Variants in PCSK5 observed in about 807,000 individuals in gnomAD.
The protein encoded by PCSK5 is proprotein convertase subtilisin/kexin type 5.
In PCSK5, 129 loss-of-function variants were observed where a neutral mutation model predicts 233.2. That is an observed-to-expected ratio of 0.55 (90% CI 0.48 to 0.64). The LOEUF (loss-of-function observed/expected upper bound fraction) is 0.64. PCSK5 is among the 30% of genes least tolerant of loss of function. The pLI is 0.00. For synonymous variants in PCSK5, 825 were observed against 879.2 expected, an observed-to-expected ratio of 0.94 and a Z score of 1.09; for missense variants, 2,076 against 2,430.1, an observed-to-expected ratio of 0.85 and a Z score of 3.06.
chr9:75,901,986 C>T (rs1296593365), intron 1 of PCSK5, among the ~76,000 whole-genome samples: 2 of 151,914 alleles, frequency 1.3e-5, no homozygotes, highest in Non-Finnish European at 1.5e-5. Context: ...GAGGCCAAGG[C>T]GGGCAGATTA....
intron 5 of PCSK5, among the ~76,000 whole-genome samples, chr9:76,057,171 T>G (rs1026366663): frequency 6.6e-6 from 1 of 152,158 alleles, no homozygotes; most frequent in African/African-American, 2.4e-5. Context: ...ATCTGAAACA[T>G]AGACTTTTCT....
At chr9:75,959,500 T>C (rs929713990) in intron 2 of PCSK5, among the ~76,000 whole-genome samples, 14 of 152,178 alleles carry the variant, frequency 9.2e-5, no homozygotes, top group African/African-American at 3.4e-4. Context: ...ATGCTCTTAC[T>C]AAAAGAGGAT....
chr9:76,342,766 C>G (rs1251233848), intron 35 of PCSK5, among the ~76,000 whole-genome samples: 1 of 152,070 alleles, frequency 6.6e-6, no homozygotes, highest in Non-Finnish European at 1.5e-5. Context: ...CTCCTCACCC[C>G]ACTCCCAAAC....
At chr9:76,173,896 C>T (rs1823453370) in intron 13 of PCSK5, among the ~76,000 whole-genome samples, 1 of 151,996 alleles carries the variant, frequency 6.6e-6, no homozygotes, top group South Asian at 2.1e-4. Context: ...ATTGCTTGAA[C>T]CAGGGAGTCA....
At chr9:76,280,875 G>C (rs553119740) in intron 24 of PCSK5, among the ~76,000 whole-genome samples, 2 of 151,842 alleles carry the variant, frequency 1.3e-5, no homozygotes, top group East Asian at 3.9e-4. Flanking sequence ...ATAAAAAAGA[G>C]AAACAGCCTT....
chr9:76,254,094 C>T (rs1826901277), intron 24 of PCSK5, among the ~76,000 whole-genome samples: 1 of 152,148 alleles, frequency 6.6e-6, no homozygotes, highest in Non-Finnish European at 1.5e-5. Flanking sequence ...CAGACACTGG[C>T]TCTTAGAGGT....
At chr9:76,301,071 A>T (rs1587849083) in intron 27 of PCSK5, among the ~76,000 whole-genome samples, 1 of 152,120 alleles carries the variant, frequency 6.6e-6, no homozygotes, top group South Asian at 2.1e-4. Context: ...CCAGGATTCA[A>T]GACCAACCTG....
chr9:75,931,812 T>C (rs557325127), intron 1 of PCSK5, among the ~76,000 whole-genome samples: 1 of 152,364 alleles, frequency 6.6e-6, no homozygotes, highest in Admixed American at 6.5e-5. Flanking sequence ...TTGTTTTAGA[T>C]ATTGCGATTT....
chr9:75,900,812 C>G (rs1041072724), intron 1 of PCSK5, among the ~76,000 whole-genome samples: 1 of 151,560 alleles, frequency 6.6e-6, no homozygotes, highest in Admixed American at 6.6e-5. Flanking sequence ...TGTAGTCATC[C>G]CAATTGTATG....
At chr9:76,344,513 TA>T (rs1279809156) in intron 35 of PCSK5, among the ~76,000 whole-genome samples, 2 of 152,222 alleles carry the variant, frequency 1.3e-5, no homozygotes, top group African/African-American at 4.8e-5. Context: ...TCCAGAGACA[TA>T]TATGGTTACC....
intron 5 of PCSK5, among the ~76,000 whole-genome samples, chr9:76,064,150 C>A (rs1423991101): frequency 2.4e-5 from 3 of 127,150 alleles, no homozygotes; most frequent in Non-Finnish European, 4.9e-5. Context: ...CCCCCCACCT[C>A]CCTCCCGGAC....
intron 3 of PCSK5, among the ~76,000 whole-genome samples, chr9:76,000,304 A>G (rs1224030177): frequency 6.6e-6 from 1 of 152,234 alleles, no homozygotes; most frequent in Non-Finnish European, 1.5e-5. Flanking sequence ...TAGTAAGAGC[A>G]AAAGGCTCAA....
rs374104084 is a variant in PCSK5, at chr9:76,033,516, A to G, written c.632+6479A>G. 1.3e-3 allele frequency among the ~76,000 whole-genome samples: 205 copies of G among 152,248 alleles called. 6 individuals are homozygous for G. The South Asian group carries it at 0.039, about 29-fold the overall frequency. On this transcript the variant is annotated intron_variant, in intron 5 of 37. Coordinates refer to ENST00000674117, the MANE Select transcript of PCSK5 (RefSeq NM_001372043.1). Reference sequence around the variant, plus strand: ...ATCAATGATTATCAAATGAATTTACATAACGTGGACTACAAGTGTACATGT... The same window carrying G: ...ATCAATGATTATCAAATGAATTTACGTAACGTGGACTACAAGTGTACATGT...
chr9:75,950,359 G>A (rs1824799787), intron 2 of PCSK5, among the ~76,000 whole-genome samples: 1 of 151,924 alleles, frequency 6.6e-6, no homozygotes, highest in African/African-American at 2.4e-5. Flanking sequence ...GATAACTATT[G>A]AACCTCACAT....
chr9:76,122,834 T>C (rs1832698222), intron 9 of PCSK5, among the ~76,000 whole-genome samples: 2 of 150,634 alleles, frequency 1.3e-5, no homozygotes, highest in African/African-American at 4.9e-5. Flanking sequence ...TTTCTTTTTT[T>C]TTTTTTTTTA....
At chr9:76,268,358 C>G (rs1345978847) in intron 24 of PCSK5, among the ~76,000 whole-genome samples, 1 of 152,194 alleles carries the variant, frequency 6.6e-6, no homozygotes, top group Non-Finnish European at 1.5e-5. Flanking sequence ...ACTACTTTTT[C>G]TAAATAACAC....
intron 2 of PCSK5, among the ~76,000 whole-genome samples, chr9:75,957,703 T>C (rs904390859): frequency 6.6e-6 from 1 of 152,204 alleles, no homozygotes; most frequent in African/African-American, 2.4e-5. Context: ...AGCCATTTTG[T>C]TTTCTAATCT....
At chr9:76,192,235 TTGC>T (rs528604352) in intron 20 of PCSK5, among the ~76,000 whole-genome samples, 133 of 152,264 alleles carry the variant, frequency 8.7e-4, no homozygotes, top group Non-Finnish European at 3.7e-4. Context: ...AAATGGCACT[TTGC>T]TAAAAGCGGA....
chr9:76,111,429 CCTT>C, intron 9 of PCSK5, among the ~76,000 whole-genome samples: 1 of 152,240 alleles, frequency 6.6e-6, no homozygotes, highest in African/African-American at 2.4e-5. Flanking sequence ...GAGATTTCCT[CCTT>C]GTTCTCAAAG....
Sources: gnomAD v4.1 joint callset for allele counts (sites outside exome capture counted in the v4.1 genomes callset) on GRCh38, gnomAD v4.1.1 for gene constraint, MANE v1.5 for transcripts, NCBI Gene and HGNC (gene_info 2026-07-23, HGNC 2026-07-21) for gene names.